The following KCTD5 variants were observed in gnomAD, a reference collection of about 807,000 sequenced individuals.
The protein encoded by KCTD5 is potassium channel tetramerization domain containing 5, also known as BTB/POZ domain-containing protein KCTD5.
In KCTD5, 12 loss-of-function variants were observed where a neutral mutation model predicts 27.9. The observed-to-expected ratio is 0.43, with a 90% CI of 0.28 to 0.70. The LOEUF is 0.70. KCTD5 is among the 30% of genes least tolerant of loss of function. The pLI is 0.19. For synonymous variants in KCTD5, 147 were observed against 121.4 expected, an observed-to-expected ratio of 1.21 and a Z score of -1.39; for missense variants, 226 against 274.8, an observed-to-expected ratio of 0.82 and a Z score of 1.26.
Position 2,684,096 on chromosome 16 carries a change from C to T in KCTD5, c.252+1296C>T, listed in dbSNP as rs546383484. On this transcript the variant is annotated intron_variant, in intron 1 of 5. Transcript: ENST00000301738. Reference sequence around the variant, plus strand: ...ATAGGCGTTTGTTAGCTGTGATTTTCCTTTTATAAGTGTGGGTGTATGTTT... The same window carrying T: ...ATAGGCGTTTGTTAGCTGTGATTTTTCTTTTATAAGTGTGGGTGTATGTTT... 140 of 152,098 alleles carry T rather than the reference C, an allele frequency of 9.2e-4. 1 individual carries two copies. The highest frequency in any genetic ancestry group is 3.3e-3 in the African/African-American group (138 of 41,434). 9.4% of individuals were successfully genotyped at this position (152,098 alleles called of 1,614,324 possible).
chr16:2,705,383 G>A (rs563045968), intron 5 of KCTD5, among the ~76,000 whole-genome samples: 11 of 152,276 alleles, frequency 7.2e-5, no homozygotes, highest in South Asian at 2.1e-4. Flanking sequence ...GTGTTGGGGC[G>A]TTTGTTGGGA....
intron 1 of KCTD5, among the ~76,000 whole-genome samples, chr16:2,688,241 ATATATTTATTT>A (rs2067550338): frequency 1.7e-5 from 2 of 115,330 alleles, no homozygotes; most frequent in African/African-American, 6.4e-5. Context: ...ATATATATAT[ATATATTTATTT>A]ATTTATTTAT....
At position 2,700,450 on chromosome 16, in the gene KCTD5, A is replaced by G. The variant is rs530616459; in HGVS notation, c.549+534A>G. Among the ~76,000 whole-genome samples, 3 of 152,196 alleles carry G rather than the reference A, an allele frequency of 2.0e-5. No homozygotes were observed. In the South Asian group the frequency reaches 6.2e-4, roughly 32 times the overall value. ...GGGCATGCCTTCTTCAGCAGCTTCC[A>G]CGGAAGCCACCTGAGTGCTGCATGG... On this transcript the variant is annotated intron_variant, in intron 4 of 5. Coordinates refer to ENST00000301738, the MANE Select transcript of KCTD5 (RefSeq NM_018992.4).
rs139279789 is a variant in KCTD5 at position 2,699,765 on chromosome 16, C to G, written c.454-56C>G. 6.4e-5 allele frequency: 98 copies of G among 1,542,326 alleles called. No homozygotes were observed. In the East Asian group the frequency reaches 2.0e-3, roughly 31 times the overall value. ...CCCTGGGTCACCTGGGCTGGGGCCA[C>G]AGGCAGCAGTGGGACATGGGTGGCC... On this transcript the variant is annotated intron_variant, in intron 3 of 5. Coordinates refer to ENST00000301738, the MANE Select transcript of KCTD5 (RefSeq NM_018992.4).
At chr16:2,705,026 G>A (rs2067629008) in intron 5 of KCTD5, among the ~76,000 whole-genome samples, 1 of 152,222 alleles carries the variant, frequency 6.6e-6, no homozygotes, top group African/African-American at 2.4e-5. Context: ...CTCGTGGCGT[G>A]GCCTCACTGG....
At chr16:2,704,332 C>G (rs1466063933) in intron 5 of KCTD5, among the ~76,000 whole-genome samples, 1 of 152,208 alleles carries the variant, frequency 6.6e-6, no homozygotes, top group Non-Finnish European at 1.5e-5. Flanking sequence ...GCTGTGGGCC[C>G]TCGTCGCTGG....
chr16:2,690,152 G>A (rs2067559033), intron 1 of KCTD5, among the ~76,000 whole-genome samples: 4 of 152,262 alleles, frequency 2.6e-5, no homozygotes, highest in Admixed American at 2.0e-4. Flanking sequence ...TTCTCTGAGT[G>A]TTGCTCTCCT....
chr16:2,691,704 G>A (rs1567193772), intron 1 of KCTD5, among the ~76,000 whole-genome samples: 1 of 152,184 alleles, frequency 6.6e-6, no homozygotes, highest in South Asian at 2.1e-4. Flanking sequence ...GTTCTTGGTA[G>A]ACGCAGCTGG....
intron 1 of KCTD5, chr16:2,683,128 T>C: frequency 3.8e-6 from 1 of 262,682 alleles, no homozygotes; most frequent in Non-Finnish European, 7.2e-6. Context: ...ACTTTCTTTT[T>C]CTCACTAGGT....
intron 4 of KCTD5, among the ~76,000 whole-genome samples, chr16:2,700,470 G>A (rs908147485): frequency 6.6e-6 from 1 of 152,168 alleles, no homozygotes; most frequent in African/African-American, 2.4e-5. Context: ...CCTGAGTGCT[G>A]CATGGGCCAC....
At chr16:2,684,581 T>G (rs544594973) in intron 1 of KCTD5, 2 of 151,678 alleles carry the variant, frequency 1.3e-5, no homozygotes, top group East Asian at 1.9e-4. Flanking sequence ...CTGGCTAACA[T>G]GATGAAACTC....
intron 1 of KCTD5, among the ~76,000 whole-genome samples, chr16:2,693,509 AGCCCAGTGCCAGCAC>A (rs2067576111): frequency 1.3e-5 from 2 of 152,230 alleles, no homozygotes; most frequent in Non-Finnish European, 2.9e-5. Flanking sequence ...CTTGAGGCCG[AGCCCAGTGCCAGCAC>A]GCTCAGTGCC....
intron 1 of KCTD5, among the ~76,000 whole-genome samples, chr16:2,692,441 G>A (rs142996826): frequency 6.6e-6 from 1 of 152,312 alleles, no homozygotes; most frequent in African/African-American, 2.4e-5. Context: ...CCCCGGACTG[G>A]CTGGCTCCTC....
intron 4 of KCTD5, among the ~76,000 whole-genome samples, chr16:2,700,409 C>T (rs1596224836): frequency 6.6e-6 from 1 of 152,212 alleles, no homozygotes; most frequent in East Asian, 1.9e-4. Context: ...CGGGTGGGGT[C>T]TGATGGGTCT....
chr16:2,686,664 C>T (rs930610237), intron 1 of KCTD5, among the ~76,000 whole-genome samples: 6 of 107,532 alleles, frequency 5.6e-5, no homozygotes, highest in South Asian at 3.7e-4. Context: ...TGAACAGGGC[C>T]GTTGTCCCGG....
rs1053233293 is a variant in KCTD5, at chr16:2,708,791, G to C, written c.*1464G>C. On this transcript the variant is annotated 3_prime_UTR_variant, in exon 6 of 6. Coordinates refer to ENST00000301738, the MANE Select transcript of KCTD5 (RefSeq NM_018992.4). The stretch of plus-strand genomic sequence containing the variant: ...GCCTGGGAGGAAGGCGGCCGCTGGG[G>C]CTCCTGGGCATCCTCTCTGGGGAGC... 6.6e-6 allele frequency: 1 copy of C among 152,224 alleles called. No homozygotes were observed. Among genetic ancestry groups the C allele is most frequent in the African/African-American group, 2.4e-5 (1 of 41,464 alleles). The allele number at this position is 152,224 out of a possible 1,614,324, so 9.4% of individuals were successfully genotyped here.
At chr16:2,701,463 G>C (rs560293394) in intron 4 of KCTD5, among the ~76,000 whole-genome samples, 1 of 152,188 alleles carries the variant, frequency 6.6e-6, no homozygotes, top group African/African-American at 2.4e-5. Flanking sequence ...CAGGGGCTCC[G>C]GGGGGCATGG....
chr16:2,697,793 C>G (rs888725700), intron 2 of KCTD5, 113 bp from the exon 3 acceptor site: 6 of 749,804 alleles, frequency 8.0e-6, no homozygotes, highest in African/African-American at 1.7e-5. Flanking sequence ...CCCGCTGGGC[C>G]GAGCCATGGG....
At chr16:2,704,285 G>A (rs2067625023) in intron 5 of KCTD5, among the ~76,000 whole-genome samples, 1 of 152,246 alleles carries the variant, frequency 6.6e-6, no homozygotes, top group African/African-American at 2.4e-5. Flanking sequence ...GGACCGTGAT[G>A]GGGGCACCCC....
Sources: allele counts gnomAD v4.1 joint callset (sites outside exome capture counted in the v4.1 genomes callset), GRCh38; gene constraint gnomAD v4.1.1; transcripts MANE v1.5; gene names NCBI Gene and HGNC (gene_info 2026-07-23, HGNC 2026-07-21).